The following ST3GAL3 variants were observed in gnomAD, a reference collection of about 807,000 sequenced individuals.
The protein encoded by ST3GAL3 is CMP-N-acetylneuraminate-beta-1,4-galactoside alpha-2,3-sialyltransferase.
Under a neutral mutation model 50.1 loss-of-function variants are expected in ST3GAL3, and 21 were observed. The observed-to-expected ratio is 0.42, with a 90% CI of 0.30 to 0.60. The LOEUF is 0.60. Among genes scored for constraint, ST3GAL3 ranks in the 20% least tolerant of loss-of-function variants. The pLI, the probability that ST3GAL3 is intolerant of heterozygous loss-of-function variation, is 0.19. For synonymous variants in ST3GAL3, 183 were observed against 190.0 expected (o/e 0.96, Z 0.30); for missense variants, 353 against 489.4 (o/e 0.72, Z 2.63).
chr1:43,826,443 C>A (rs977748276), intron 4 of ST3GAL3, among the ~76,000 whole-genome samples: 3 of 152,120 alleles, frequency 2.0e-5, no homozygotes, highest in African/African-American at 7.2e-5. Flanking sequence ...TAATAACTTT[C>A]CAAAGCAGAA....
chr1:43,736,189 G>A, intron 1 of ST3GAL3, 44 bp from the exon 2 acceptor site: 1 of 1,538,164 alleles, frequency 6.5e-7, no homozygotes, highest in Non-Finnish European at 9.0e-7. Flanking sequence ...ATATCAATAA[G>A]ATGAGTGCTT....
At chr1:43,866,238 G>A (rs1429082098) in intron 5 of ST3GAL3, among the ~76,000 whole-genome samples, 1 of 152,224 alleles carries the variant, frequency 6.6e-6, no homozygotes, top group Non-Finnish European at 1.5e-5. Context: ...ATACCTGGGA[G>A]AAGCCATCTT....
intron 2 of ST3GAL3, among the ~76,000 whole-genome samples, chr1:43,758,797 C>T (rs898443263): frequency 7.9e-5 from 12 of 151,988 alleles, no homozygotes; most frequent in African/African-American, 2.9e-4. Context: ...GAGGCTCAGG[C>T]AGGAGGATCA....
intron 2 of ST3GAL3, among the ~76,000 whole-genome samples, chr1:43,781,896 G>A (rs1699487305): frequency 6.6e-6 from 1 of 152,084 alleles, no homozygotes; most frequent in Non-Finnish European, 1.5e-5. Flanking sequence ...AAACCACTGC[G>A]GTTTGCCAGT....
intron 2 of ST3GAL3, among the ~76,000 whole-genome samples, chr1:43,788,940 GT>G (rs75212053): frequency 2.8e-3 from 399 of 143,102 alleles, no homozygotes; most frequent in African/African-American, 2.9e-3. Flanking sequence ...AGAGTGGGAG[GT>G]TTTTTTTTTT....
At chr1:43,806,368 A>G (rs1047367796) in intron 3 of ST3GAL3, among the ~76,000 whole-genome samples, 1 of 152,116 alleles carries the variant, frequency 6.6e-6, no homozygotes, top group Non-Finnish European at 1.5e-5. Context: ...GTGGCAGGAG[A>G]TGAGGCTGAG....
intron 1 of ST3GAL3, among the ~76,000 whole-genome samples, chr1:43,717,677 T>A (rs1668063414): frequency 6.6e-6 from 1 of 151,862 alleles, no homozygotes; most frequent in Non-Finnish European, 1.5e-5. Flanking sequence ...TTTTTTTCTT[T>A]TGTATTTTTT....
At chr1:43,753,582 G>A (rs1480943415) in intron 2 of ST3GAL3, among the ~76,000 whole-genome samples, 1 of 152,200 alleles carries the variant, frequency 6.6e-6, no homozygotes, top group African/African-American at 2.4e-5. Context: ...ACAGGTCTCA[G>A]TTCCCTCCCT....
At chr1:43,718,175 A>G (rs918364884) in intron 1 of ST3GAL3, among the ~76,000 whole-genome samples, 1 of 136,274 alleles carries the variant, frequency 7.3e-6, no homozygotes, top group East Asian at 2.2e-4. Context: ...GCCCGGCTCT[A>G]TCATTAAATC....
intron 3 of ST3GAL3, among the ~76,000 whole-genome samples, chr1:43,813,604 C>T (rs904031192): frequency 6.6e-6 from 1 of 152,284 alleles, no homozygotes; most frequent in African/African-American, 2.4e-5. Context: ...TTTATTCTCT[C>T]TTCACAGCTC....
At chr1:43,769,001 A>G (rs1694117119) in intron 2 of ST3GAL3, among the ~76,000 whole-genome samples, 1 of 152,226 alleles carries the variant, frequency 6.6e-6, no homozygotes, top group Admixed American at 6.5e-5. Context: ...AAAATCCTCA[A>G]CAGACATTTA....
intron 1 of ST3GAL3, among the ~76,000 whole-genome samples, chr1:43,717,285 G>A (rs1667852471): frequency 6.6e-6 from 1 of 152,142 alleles, no homozygotes; most frequent in South Asian, 2.1e-4. Context: ...CTTTTGCTGG[G>A]ACTGATAAGA....
At chr1:43,776,406 A>G (rs1305339258) in intron 2 of ST3GAL3, among the ~76,000 whole-genome samples, 3 of 152,132 alleles carry the variant, frequency 2.0e-5, no homozygotes, top group African/African-American at 7.2e-5. Flanking sequence ...ATTTCTTATT[A>G]TGGCCAAATA....
intron 9 of ST3GAL3, among the ~76,000 whole-genome samples, chr1:43,915,145 A>G (rs1328313465): frequency 6.6e-6 from 1 of 152,202 alleles, no homozygotes; most frequent in African/African-American, 2.4e-5. Flanking sequence ...GTTGGGAGCC[A>G]TGAGGAGGGA....
chr1:43,809,622 A>G (rs2060297999), intron 3 of ST3GAL3, among the ~76,000 whole-genome samples: 1 of 151,794 alleles, frequency 6.6e-6, no homozygotes, highest in Non-Finnish European at 1.5e-5. Flanking sequence ...GCTTGAGCCC[A>G]GAAGTTGGAG....
chr1:43,718,435 C>T (rs1307088709), intron 1 of ST3GAL3, among the ~76,000 whole-genome samples: 3 of 151,588 alleles, frequency 2.0e-5, no homozygotes, highest in East Asian at 2.0e-4. Flanking sequence ...ATGATCCGCC[C>T]GCCTCGGCCT....
rs530408708 is a variant in ST3GAL3 at position 43,898,131 on chromosome 1, C to G, written c.398-104C>G. 4.0e-6 allele frequency: 5 copies of G among 1,251,550 alleles called. No individual in the cohort carries two copies. In the African/African-American group the frequency reaches 4.4e-5, roughly 11 times the overall value. 77.5% of individuals were successfully genotyped at this position (1,251,550 alleles called of 1,614,324 possible). On this transcript the variant is annotated intron_variant, in intron 6 of 11. Transcript: ENST00000347631. ...CCAGAGCTCTCTCCACTTCCACTTT[C>G]ACTCTAGCCCCTAGGGACTTGTGTC...
intron 9 of ST3GAL3, among the ~76,000 whole-genome samples, chr1:43,910,445 C>G (rs1056554184): frequency 6.6e-6 from 1 of 152,248 alleles, no homozygotes; most frequent in Admixed American, 6.5e-5. Context: ...AGCTTCCCTG[C>G]ATAGCTACCT....
chr1:43,712,112 A>G (rs1298889099), intron 1 of ST3GAL3, among the ~76,000 whole-genome samples: 1 of 152,214 alleles, frequency 6.6e-6, no homozygotes, highest in Non-Finnish European at 1.5e-5. Flanking sequence ...TTTTGAGCCT[A>G]AGTTTCCTCA....
Sources: gnomAD v4.1 joint callset for allele counts (sites outside exome capture counted in the v4.1 genomes callset) on GRCh38, gnomAD v4.1.1 for gene constraint, MANE v1.5 for transcripts, NCBI Gene and HGNC (gene_info 2026-07-23, HGNC 2026-07-21) for gene names.